Variants in EXOC2 observed in about 807,000 individuals in gnomAD.
The protein encoded by EXOC2 is SEC5-like 1.
A neutral mutation model predicts 131.8 loss-of-function variants in EXOC2; 70 were observed. The ratio of observed to expected loss-of-function variants is 0.53; its 90% CI spans 0.44 to 0.65. The LOEUF is 0.65. Ranked by LOEUF, EXOC2 falls within the 30% of genes least tolerant of loss-of-function variation. The pLI is 0.00. For missense variants in EXOC2, 923 were observed against 1,108.6 expected, an observed-to-expected ratio of 0.83 and a Z score of 2.38; for synonymous variants, 411 against 398.4, an observed-to-expected ratio of 1.03 and a Z score of -0.38.
chr6:610,290 T>C, intron 6 of EXOC2, 112 bp from the exon 7 acceptor site: 1 of 931,044 alleles, frequency 1.1e-6, no homozygotes. Flanking sequence ...TTTTCACTGC[T>C]GAAAAGCAGC....
chr6:672,840 G>C (rs1206783501), intron 1 of EXOC2, among the ~76,000 whole-genome samples: 1 of 149,854 alleles, frequency 6.7e-6, no homozygotes, highest in Admixed American at 6.7e-5. Flanking sequence ...CAAGAGCTTT[G>C]TTTTCAATAT....
At chr6:556,038 A>T in intron 18 of EXOC2, 25 bp from the exon 19 acceptor site, 1 of 1,609,576 alleles carries the variant, frequency 6.2e-7, no homozygotes, top group South Asian at 1.1e-5. Flanking sequence ...TTTGATGAAA[A>T]TTTTTGGACT....
chr6:640,209 G>A (rs1762291405), intron 1 of EXOC2, among the ~76,000 whole-genome samples: 1 of 152,184 alleles, frequency 6.6e-6, no homozygotes. Flanking sequence ...GGTTGGTCTA[G>A]TTTCTCCGTA....
intron 7 of EXOC2, among the ~76,000 whole-genome samples, chr6:607,405 T>C (rs937546765): frequency 6.6e-6 from 1 of 152,212 alleles, no homozygotes; most frequent in Admixed American, 6.5e-5. Flanking sequence ...CCTCAAAGTG[T>C]TGTTGTGAGG....
chr6:534,001 C>T (rs749593205), intron 22 of EXOC2, among the ~76,000 whole-genome samples: 4 of 152,134 alleles, frequency 2.6e-5, no homozygotes, highest in Non-Finnish European at 5.9e-5. Context: ...ACCCTCATGA[C>T]GATTAAAGTA....
rs191543508 is a variant in EXOC2 at position 537,465 on chromosome 6, C to T, written c.2239-4855G>A. On this transcript the variant is annotated intron_variant, in intron 22 of 27. Coordinates refer to ENST00000230449, the MANE Select transcript of EXOC2 (RefSeq NM_018303.6). ...CGGAGCGTACACTCGAGTTGATGGC[C>T]GACGGAGCGTACACTCAAGATGATG... Among the ~76,000 whole-genome samples the T allele has an allele frequency of 2.5e-3, 374 of 151,174 alleles. 1 individual carries two copies. Among genetic ancestry groups the T allele is most frequent in the Middle Eastern group, 3.5e-3 (1 of 286 alleles).
At chr6:504,070 A>G (rs980736222) in intron 23 of EXOC2, among the ~76,000 whole-genome samples, 2 of 152,216 alleles carry the variant, frequency 1.3e-5, no homozygotes, top group Non-Finnish European at 1.5e-5. Context: ...CGCTGGCTCC[A>G]TGCAGCTCTG....
intron 13 of EXOC2, among the ~76,000 whole-genome samples, chr6:567,143 A>C (rs1440593549): frequency 6.6e-6 from 1 of 152,228 alleles, no homozygotes; most frequent in African/African-American, 2.4e-5. Flanking sequence ...GGGTTTTTTA[A>C]AACTGGAAAG....
chr6:658,735 C>T (rs1763279183), intron 1 of EXOC2, among the ~76,000 whole-genome samples: 3 of 146,652 alleles, frequency 2.0e-5, no homozygotes, highest in African/African-American at 7.5e-5. Context: ...GATCTCGGCT[C>T]ACTGCGACCT....
chr6:580,523 T>C (rs1758830267), intron 11 of EXOC2, among the ~76,000 whole-genome samples: 1 of 152,208 alleles, frequency 6.6e-6, no homozygotes, highest in Non-Finnish European at 1.5e-5. Flanking sequence ...AAGCCTTTTT[T>C]TTAAAGCAGG....
In EXOC2 at chr6:528,770, G is replaced by T. The variant is rs1408033012; in HGVS notation, c.2380+3699C>A. ...ATCTGAGGTTACAGACTCTTATTAA[G>T]ATCAACCTCAGGATTACATTTAGGC... On this transcript the variant is annotated intron_variant, in intron 23 of 27. Transcript: ENST00000230449. Among the ~76,000 whole-genome samples the T allele has an allele frequency of 7.2e-5, 11 of 152,150 alleles. 2 individuals carry two copies. The highest frequency in any genetic ancestry group is 6.3e-3 in the Middle Eastern group (2 of 316).
chr6:576,436 T>C (rs915203790), intron 12 of EXOC2, among the ~76,000 whole-genome samples: 3 of 152,216 alleles, frequency 2.0e-5, no homozygotes, highest in African/African-American at 4.8e-5. Flanking sequence ...TCCATCTTAA[T>C]GAAGTTCTCA....
intron 1 of EXOC2, among the ~76,000 whole-genome samples, chr6:651,324 C>T (rs577131665): frequency 1.7e-4 from 26 of 152,190 alleles, no homozygotes; most frequent in Admixed American, 9.8e-4. Context: ...TGAGCCACCG[C>T]GCCCGGCCGT....
intron 1 of EXOC2, among the ~76,000 whole-genome samples, chr6:640,718 C>G (rs1293634759): frequency 6.6e-6 from 1 of 152,050 alleles, no homozygotes; most frequent in African/African-American, 2.4e-5. Context: ...GGAGAGAGGC[C>G]TAAAACAGAT....
At chr6:682,491 C>T (rs976479203) in intron 1 of EXOC2, among the ~76,000 whole-genome samples, 13 of 152,124 alleles carry the variant, frequency 8.5e-5, no homozygotes, top group African/African-American at 1.7e-4. Context: ...TGAGCCACCG[C>T]GCCCGGCCCC....
chr6:504,978 A>G (rs990632610), intron 23 of EXOC2, among the ~76,000 whole-genome samples: 10 of 152,240 alleles, frequency 6.6e-5, no homozygotes, highest in Non-Finnish European at 1.3e-4. Flanking sequence ...GACTAGAAAC[A>G]GCACACTGAT....
chr6:594,018 G>A (rs1759682325), intron 10 of EXOC2, among the ~76,000 whole-genome samples: 1 of 152,246 alleles, frequency 6.6e-6, no homozygotes, highest in Admixed American at 6.5e-5. Flanking sequence ...GCTGCCCAGA[G>A]GTGGCTGAGA....
At chr6:589,178 A>C (rs796340934) in intron 11 of EXOC2, among the ~76,000 whole-genome samples, 8 of 152,308 alleles carry the variant, frequency 5.3e-5, no homozygotes, top group African/African-American at 1.7e-4. Context: ...TGCATTCATC[A>C]CCACCTTTGC....
intron 13 of EXOC2, among the ~76,000 whole-genome samples, chr6:566,545 C>T (rs1757976554): frequency 6.6e-6 from 1 of 152,228 alleles, no homozygotes; most frequent in African/African-American, 2.4e-5. Flanking sequence ...TGTTCAGCTG[C>T]TTTCTGTCTG....
Sources: allele counts gnomAD v4.1 joint callset (sites outside exome capture counted in the v4.1 genomes callset), GRCh38; gene constraint gnomAD v4.1.1; transcripts MANE v1.5; gene names NCBI Gene and HGNC (gene_info 2026-07-23, HGNC 2026-07-21).